Variants in NME8 observed in about 807,000 individuals in gnomAD.
NME8 encodes the protein protein NME8.
A neutral mutation model predicts 82.3 loss-of-function variants in NME8; 72 were observed. The ratio of observed to expected loss-of-function variants is 0.87; its 90% CI spans 0.72 to 1.06. The LOEUF is 1.06. NME8 is among the 50% of genes least tolerant of loss of function. The pLI is 0.00. For synonymous variants in NME8, 267 were observed against 228.5 expected, an observed-to-expected ratio of 1.17 and a Z score of -1.52; for missense variants, 712 against 685.4, an observed-to-expected ratio of 1.04 and a Z score of -0.43.
intron 10 of NME8, 56 bp downstream of exon 10, chr7:37,865,673 A>G: frequency 4.2e-6 from 5 of 1,192,016 alleles, no homozygotes; most frequent in Non-Finnish European, 6.3e-6. Context: ...TGGCCTCCAT[A>G]AGCTTTAAAT....
rs761949168 is a variant in NME8 at position 37,897,075 on chromosome 7, G to A, written c.1750G>A (p.Asp584Asn). 29 of 1,611,774 alleles carry A rather than the reference G, an allele frequency of 1.8e-5. No homozygotes were observed. The South Asian group carries it at 2.9e-4, about 16-fold the overall frequency. ...AKEVVNRLFE[D>N]PEEN Reference sequence around the variant, plus strand: ...AGAGGTTGTTAATAGACTCTTTGAGGATCCTGAGGAAAACTAAAGTATATA... The same window carrying A: ...AGAGGTTGTTAATAGACTCTTTGAGAATCCTGAGGAAAACTAAAGTATATA... Residue 584 changes from aspartate to asparagine, a missense_variant, in exon 17 of 18, where the codon GAT becomes AAT. Physicochemically the swap from Asp to Asn is conservative, Grantham distance 23. Transcript: ENST00000199447.
At chr7:37,879,849 T>C (rs145673240) in intron 12 of NME8, among the ~76,000 whole-genome samples, 453 of 152,338 alleles carry the variant, frequency 3.0e-3, no homozygotes, top group Non-Finnish European at 5.5e-3. Context: ...TCTACAACCT[T>C]GCCAGGATTT....
chr7:37,869,687 C>CAGG (rs1784740382), intron 11 of NME8, among the ~76,000 whole-genome samples: 1 of 152,138 alleles, frequency 6.6e-6, no homozygotes, highest in South Asian at 2.1e-4. Flanking sequence ...GCACAGTCTA[C>CAGG]AGTATTTCCT....
At chr7:37,884,491 T>A (rs768888238) in intron 13 of NME8, 44 bp downstream of exon 13, 1 of 1,551,672 alleles carries the variant, frequency 6.4e-7, no homozygotes, top group Non-Finnish European at 8.9e-7. Flanking sequence ...TATTTTTGAA[T>A]CATGTAAACT....
At chr7:37,861,789 G>T (rs561065749) in intron 6 of NME8, among the ~76,000 whole-genome samples, 2 of 152,276 alleles carry the variant, frequency 1.3e-5, no homozygotes, top group East Asian at 3.9e-4. Flanking sequence ...GGGATGACTT[G>T]CTGCAAGGTG....
chr7:37,856,863 C>T lies in NME8; in HGVS notation c.199-411C>T, dbSNP rs186113936. Among the ~76,000 whole-genome samples, 200 of 152,218 alleles carry T rather than the reference C, an allele frequency of 1.3e-3. 1 individual carries two copies. Among genetic ancestry groups the T allele is most frequent in the South Asian group, 8.1e-3 (39 of 4,816 alleles). Reference sequence around the variant, plus strand: ...ACAGAGCAGGTGTAACAGGCCCACACGTGCCTGTAGTAGAATATTGAAAGG... The same window carrying T: ...ACAGAGCAGGTGTAACAGGCCCACATGTGCCTGTAGTAGAATATTGAAAGG... On this transcript the variant is annotated intron_variant, in intron 5 of 17. Coordinates refer to ENST00000199447, the MANE Select transcript of NME8 (RefSeq NM_016616.5).
rs1486610213 is a variant in NME8, at chr7:37,884,851, AT to A, written c.1140-292del. On this transcript the variant is annotated intron_variant, in intron 13 of 17. Transcript: ENST00000199447. Reference sequence around the variant, plus strand: ...TTCTAGAAGAATGACTGAAATAGCAATTGAGGCTGAAATCCTGCAAGGGCAT... The same window carrying A: ...TTCTAGAAGAATGACTGAAATAGCAATGAGGCTGAAATCCTGCAAGGGCAT... Among the ~76,000 whole-genome samples the A allele has an allele frequency of 1.4e-4, 22 of 152,372 alleles. No homozygotes were observed. The East Asian group carries it at 4.2e-3, about 29-fold the overall frequency.
chr7:37,876,165 A>G (rs1784846039), intron 11 of NME8, among the ~76,000 whole-genome samples: 1 of 151,764 alleles, frequency 6.6e-6, no homozygotes, highest in African/African-American at 2.4e-5. Flanking sequence ...CCAAGATTGC[A>G]CCACTGCACT....
chr7:37,881,687 G>A (rs994692094), intron 12 of NME8, among the ~76,000 whole-genome samples: 2 of 152,090 alleles, frequency 1.3e-5, no homozygotes, highest in African/African-American at 4.8e-5. Flanking sequence ...TGTTCCCTCT[G>A]CTTCTATTTG....
chr7:37,879,126 T>TTA (rs35685455), intron 12 of NME8, among the ~76,000 whole-genome samples: 24,529 of 149,966 alleles, frequency 0.16, 2,548 homozygotes, highest in East Asian at 0.31. Flanking sequence ...AGCCTTTTCA[T>TTA]TATATATATA....
Position 37,888,315 on chromosome 7 carries a change from AC to A in NME8, c.1288del (p.Gln430SerfsTer8). On this transcript the variant is annotated frameshift_variant, in exon 15 of 18. Coordinates refer to ENST00000199447, the MANE Select transcript of NME8 (RefSeq NM_016616.5). LOFTEE classifies it high-confidence loss of function. The stretch of plus-strand genomic sequence containing the variant: ...TTTGCGATGGACAGTTTGCCGGTCA[AC>A]CAGTTGTATGGCAGCGATTCATTAG... ...AQFAMDSLPV[N>X]QLYGSDSLET... is the part of the protein sequence containing the mutation. 6.2e-7 allele frequency: 1 copy of A among 1,613,736 alleles called. No individual in the cohort carries two copies. Among genetic ancestry groups the A allele is most frequent in the Non-Finnish European group, 8.5e-7 (1 of 1,179,718 alleles).
rs142516478 is a variant in NME8, at chr7:37,884,385, A to G, written c.1077A>G (p.Gln359=). 2.0e-4 allele frequency: 326 copies of G among 1,607,100 alleles called. 2 individuals carry two copies. In the African/African-American group the frequency reaches 4.0e-3, roughly 20 times the overall value. The part of the protein sequence containing the change: ...RQVVLSEKEA[Q]ALCKEYENED... The stretch of plus-strand genomic sequence containing the variant: ...TAGTATTATCGGAAAAAGAAGCACA[A>G]GCACTGTGCAAGGAATATGAAAATG... Residue 359 remains glutamine, a synonymous_variant, in exon 13 of 18, where the codon CAA becomes CAG. Coordinates refer to ENST00000199447, the MANE Select transcript of NME8 (RefSeq NM_016616.5).
chr7:37,887,937 G>A (rs1410880151), intron 14 of NME8, among the ~76,000 whole-genome samples: 1 of 152,108 alleles, frequency 6.6e-6, no homozygotes, highest in African/African-American at 2.4e-5. Flanking sequence ...CTCCCACTAG[G>A]TCCTGCCCAT....
rs534622807 is a variant in NME8, at chr7:37,897,734, C to T, written c.*15+627C>T. 3.6e-4 allele frequency among the ~76,000 whole-genome samples: 52 copies of T among 142,788 alleles called. 1 individual carries two copies. The highest frequency in any genetic ancestry group is 2.0e-3 in the South Asian group (9 of 4,478). 93.7% of individuals were successfully genotyped at this position (142,788 alleles called of 152,430 possible). A position where few individuals can be genotyped will look rare whatever the true frequency, so the allele number is the denominator to read the frequency against. ...TCTGTGTCCATGTGTTCTCAATGTT[C>T]GACTCCCACTTATGAGTGAGAACAT... On this transcript the variant is annotated intron_variant, in intron 17 of 17. Coordinates refer to ENST00000199447, the MANE Select transcript of NME8 (RefSeq NM_016616.5).
rs371341539 is a variant in NME8 at position 37,867,891 on chromosome 7, C to A, written c.811C>A (p.Gln271Lys). Residue 271 changes from glutamine (Q) to lysine (K), a missense_variant, in exon 11 of 18, where the codon CAA (glutamine) becomes AAA (lysine). By Grantham distance (53) the Gln-to-Lys change is moderately conservative. Coordinates refer to ENST00000199447, the MANE Select transcript of NME8 (RefSeq NM_016616.5). ...TACACCTGGAATGATGAAGAACAAA[C>A]AAGACAGGTATAGCTCAAGACCAGG... ...QVTPGMMKNK[Q>K]DSLQEYLERQ... is the part of the protein sequence containing the mutation. 1.2e-6 allele frequency: 2 copies of A among 1,613,402 alleles called. No individual in the cohort carries two copies. The highest frequency in any genetic ancestry group is 4.5e-5 in the East Asian group (2 of 44,750).
chr7:37,880,085 TTGTTTG>T (rs1269351362), intron 12 of NME8, among the ~76,000 whole-genome samples: 3 of 150,788 alleles, frequency 2.0e-5, no homozygotes, highest in Admixed American at 6.6e-5. Flanking sequence ...AAGGTTTTTT[TTGTTTG>T]TTTATTTTGA....
intron 15 of NME8, among the ~76,000 whole-genome samples, chr7:37,892,143 C>A (rs1192987053): frequency 6.6e-6 from 1 of 151,744 alleles, no homozygotes; most frequent in East Asian, 1.9e-4. Context: ...TGGTGTTTTG[C>A]CAGAAGAAAG....
intron 16 of NME8, among the ~76,000 whole-genome samples, chr7:37,896,522 G>A (rs1269033645): frequency 4.6e-5 from 7 of 152,172 alleles, no homozygotes; most frequent in Admixed American, 4.6e-4. Context: ...GCCTGAGCAA[G>A]GCTATCTTAA....
At chr7:37,870,805 A>G (rs769605063) in intron 11 of NME8, among the ~76,000 whole-genome samples, 9 of 152,054 alleles carry the variant, frequency 5.9e-5, no homozygotes, top group Non-Finnish European at 1.0e-4. Context: ...TTGTCTGTTG[A>G]TGCCCGTTGG....
Sources: allele counts gnomAD v4.1 joint callset (sites outside exome capture counted in the v4.1 genomes callset), GRCh38; gene constraint gnomAD v4.1.1; transcripts MANE v1.5; gene names NCBI Gene and HGNC (gene_info 2026-07-23, HGNC 2026-07-21).